The following ANKIB1 variants were observed in gnomAD, a reference collection of about 807,000 sequenced individuals.
The protein encoded by ANKIB1 is ankyrin repeat and IBR domain-containing protein 1.
ANKIB1 carries 43 observed loss-of-function variants against 122.1 expected under a neutral mutation model. The ratio of observed to expected loss-of-function variants is 0.35; its 90% CI spans 0.28 to 0.45. The LOEUF (loss-of-function observed/expected upper bound fraction) is 0.45, where lower values mean the gene tolerates loss of function less well. Ranked by LOEUF, ANKIB1 falls within the 20% of genes least tolerant of loss-of-function variation. The pLI is 1.00. For synonymous variants in ANKIB1, 390 were observed against 442.0 expected, an observed-to-expected ratio of 0.88 and a Z score of 1.48; for missense variants, 992 against 1,329.5, an observed-to-expected ratio of 0.75 and a Z score of 3.95.
chr7:92,283,188 T>C (rs1802045988), intron 1 of ANKIB1, among the ~76,000 whole-genome samples: 1 of 152,198 alleles, frequency 6.6e-6, no homozygotes, highest in African/African-American at 2.4e-5. Context: ...GATAATACTT[T>C]TGTGTTTATG....
chr7:92,362,910 C>G (rs1454062148), intron 10 of ANKIB1, among the ~76,000 whole-genome samples: 1 of 152,066 alleles, frequency 6.6e-6, no homozygotes, highest in Non-Finnish European at 1.5e-5. Flanking sequence ...GAGGGGACTC[C>G]TTTTTAAAGC....
At chr7:92,313,483 A>G (rs892198870) in intron 3 of ANKIB1, among the ~76,000 whole-genome samples, 10 of 152,142 alleles carry the variant, frequency 6.6e-5, no homozygotes, top group Non-Finnish European at 1.5e-5. Flanking sequence ...CTGTTTTCTA[A>G]TTTTTAATCA....
chr7:92,335,699 G>C (rs2131966487), intron 5 of ANKIB1, among the ~76,000 whole-genome samples: 1 of 151,662 alleles, frequency 6.6e-6, no homozygotes, highest in East Asian at 1.9e-4. Flanking sequence ...TGAATATCTT[G>C]TAAATAGCAT....
At chr7:92,382,683 G>C (rs1336475263) in intron 11 of ANKIB1, among the ~76,000 whole-genome samples, 4 of 152,154 alleles carry the variant, frequency 2.6e-5, no homozygotes, top group African/African-American at 9.7e-5. Context: ...GATGTTCTTT[G>C]AAACCAATGA....
At chr7:92,319,079 G>T (rs935311880) in intron 3 of ANKIB1, among the ~76,000 whole-genome samples, 1 of 151,760 alleles carries the variant, frequency 6.6e-6, no homozygotes, top group Non-Finnish European at 1.5e-5. Context: ...TAAAAAATTG[G>T]TTTTGGGTTT....
intron 18 of ANKIB1, among the ~76,000 whole-genome samples, chr7:92,396,973 C>G (rs947403294): frequency 1.3e-5 from 2 of 152,140 alleles, no homozygotes; most frequent in African/African-American, 4.8e-5. Context: ...TTTAATTATT[C>G]AACTTTTAAA....
chr7:92,262,548 A>G (rs1021934922), intron 1 of ANKIB1, among the ~76,000 whole-genome samples: 3 of 152,224 alleles, frequency 2.0e-5, no homozygotes, highest in Non-Finnish European at 4.4e-5. Flanking sequence ...TTCATGAGAA[A>G]GTAAGTACAA....
At chr7:92,268,059 G>A (rs1411598245) in intron 1 of ANKIB1, among the ~76,000 whole-genome samples, 1 of 152,078 alleles carries the variant, frequency 6.6e-6, no homozygotes, top group African/African-American at 2.4e-5. Context: ...TATGAGGAGA[G>A]GAAAACATTC....
chr7:92,395,177 T>C (rs914910087), intron 17 of ANKIB1, among the ~76,000 whole-genome samples: 1 of 152,210 alleles, frequency 6.6e-6, no homozygotes, highest in Admixed American at 6.5e-5. Context: ...GTAATAGCGA[T>C]GGTCCCAGGT....
chr7:92,388,257 C>G (rs1354023289), intron 14 of ANKIB1, among the ~76,000 whole-genome samples: 1 of 152,174 alleles, frequency 6.6e-6, no homozygotes, highest in East Asian at 1.9e-4. Flanking sequence ...TTGATGCAGC[C>G]TGTGGTGTTA....
intron 14 of ANKIB1, 24 bp from the exon 15 acceptor site, chr7:92,389,947 C>A: frequency 6.4e-7 from 1 of 1,566,026 alleles, no homozygotes; most frequent in South Asian, 1.3e-5. Flanking sequence ...AAAACAAATT[C>A]ACTGTGCCTC....
Position 92,398,829 on chromosome 7 carries a change from A to T in ANKIB1, c.3150A>T (p.Glu1050Asp). 1 of 1,605,292 alleles carries T rather than the reference A, an allele frequency of 6.2e-7. No individual in the cohort carries two copies. Among genetic ancestry groups the T allele is most frequent in the South Asian group, 1.1e-5 (1 of 89,706 alleles). The change falls in exon 20 of 20, where the codon GAA becomes GAT. Residue 1050 changes from glutamate (E) to aspartate (D), a missense_variant. Glu to Asp is a conservative substitution (Grantham distance 45, BLOSUM62 2). Transcript: ENST00000265742. Reference protein sequence around the residue: ...NPLEENILAGEAASQAGDSGN... With the variant: ...NPLEENILAGDAASQAGDSGN... ...TGGAAGAAAATATTCTGGCGGGGGA[A>T]GCAGCATCTCAAGCTGGTGACAGTG...
intron 9 of ANKIB1, among the ~76,000 whole-genome samples, chr7:92,353,119 G>T (rs1803700379): frequency 6.6e-6 from 1 of 152,036 alleles, no homozygotes; most frequent in Non-Finnish European, 1.5e-5. Context: ...AAATTACCAA[G>T]GTCCCTTTTA....
chr7:92,260,327 A>G (rs763182932), intron 1 of ANKIB1, among the ~76,000 whole-genome samples: 2 of 152,168 alleles, frequency 1.3e-5, no homozygotes, highest in African/African-American at 2.4e-5. Context: ...TCTATCTGGA[A>G]TACTCTTTCC....
chr7:92,397,085 A>G (rs1562802682), intron 18 of ANKIB1, among the ~76,000 whole-genome samples: 1 of 152,246 alleles, frequency 6.6e-6, no homozygotes, highest in Non-Finnish European at 1.5e-5. Context: ...ATTTAATTTT[A>G]AGAAATCTAA....
At chr7:92,321,298 C>T (rs979162220) in intron 4 of ANKIB1, among the ~76,000 whole-genome samples, 1 of 152,086 alleles carries the variant, frequency 6.6e-6, no homozygotes, top group African/African-American at 2.4e-5. Context: ...TTGAAATATA[C>T]AATACATTAT....
chr7:92,325,684 G>A (rs1320288539), intron 4 of ANKIB1, among the ~76,000 whole-genome samples: 1 of 150,050 alleles, frequency 6.7e-6, no homozygotes, highest in African/African-American at 2.4e-5. Flanking sequence ...GGGAGGGGAG[G>A]CTATTTTCCT....
intron 1 of ANKIB1, among the ~76,000 whole-genome samples, chr7:92,267,295 A>G (rs1801690661): frequency 6.6e-6 from 1 of 152,234 alleles, no homozygotes; most frequent in Non-Finnish European, 1.5e-5. Flanking sequence ...ATAAATATTC[A>G]CAAAGTGAAC....
intron 1 of ANKIB1, among the ~76,000 whole-genome samples, chr7:92,268,386 C>T (rs535993168): frequency 6.6e-6 from 1 of 152,268 alleles, no homozygotes; most frequent in South Asian, 2.1e-4. Context: ...TCTTTAAAGG[C>T]ATATGATTGT....
Sources: gnomAD v4.1 joint callset for allele counts (sites outside exome capture counted in the v4.1 genomes callset) on GRCh38, gnomAD v4.1.1 for gene constraint, MANE v1.5 for transcripts, NCBI Gene and HGNC (gene_info 2026-07-23, HGNC 2026-07-21) for gene names.